The following CDKAL1 variants were observed in gnomAD, a reference collection of about 807,000 sequenced individuals.
CDKAL1 encodes the protein threonylcarbamoyladenosine tRNA methylthiotransferase.
A neutral mutation model predicts 68.2 loss-of-function variants in CDKAL1; 32 were observed. The ratio of observed to expected loss-of-function variants is 0.47; its 90% CI spans 0.35 to 0.63. The LOEUF (loss-of-function observed/expected upper bound fraction) is 0.63, where lower values mean the gene tolerates loss of function less well. Among genes scored for constraint, CDKAL1 ranks in the 30% least tolerant of loss-of-function variants. CDKAL1 has a pLI of 0.00. For missense variants in CDKAL1, 606 were observed against 696.7 expected (o/e 0.87, Z 1.47); for synonymous variants, 234 against 244.3 (o/e 0.96, Z 0.39).
At chr6:20,859,788 A>C (rs1454224696) in intron 9 of CDKAL1, among the ~76,000 whole-genome samples, 3 of 152,170 alleles carry the variant, frequency 2.0e-5, no homozygotes, top group African/African-American at 7.2e-5. Context: ...AGCCCATGAG[A>C]TCCCATGTGA....
intron 6 of CDKAL1, among the ~76,000 whole-genome samples, chr6:20,752,269 ATCTT>A (rs1773959075): frequency 6.6e-6 from 1 of 151,314 alleles, no homozygotes; most frequent in Admixed American, 6.6e-5. Context: ...GTTTTGGCAG[ATCTT>A]TCTTTTTAAG....
chr6:20,984,815 G>GC lies in CDKAL1; in HGVS notation c.910-15412_910-15411insC, dbSNP rs547124431. 6.8e-4 allele frequency among the ~76,000 whole-genome samples: 101 copies of GC among 148,482 alleles called. 1 individual carries two copies. The highest frequency in any genetic ancestry group is 2.2e-3 in the African/African-American group (88 of 39,296). On this transcript the variant is annotated intron_variant, in intron 10 of 15. Coordinates refer to ENST00000274695, the MANE Select transcript of CDKAL1 (RefSeq NM_017774.3). Reference sequence around the variant, plus strand: ...GGGTTTTTATGGGCACAGTAACGGGGGGGGGTGGGGAAGGCTATGGGTGGT... The same window carrying GC: ...GGGTTTTTATGGGCACAGTAACGGGGCGGGGGTGGGGAAGGCTATGGGTGGT...
chr6:20,725,929 C>T (rs1472304963), intron 5 of CDKAL1, among the ~76,000 whole-genome samples: 4 of 151,926 alleles, frequency 2.6e-5, no homozygotes, highest in Admixed American at 2.0e-4. Context: ...TTTATTTAAC[C>T]CTATATAATA....
chr6:20,597,615 A>G (rs1387820691), intron 4 of CDKAL1, among the ~76,000 whole-genome samples: 1 of 151,016 alleles, frequency 6.6e-6, no homozygotes, highest in Admixed American at 6.6e-5. Context: ...GGGTTTCACT[A>G]TGTTGGCCAG....
At chr6:20,850,789 T>C (rs1005686336) in intron 9 of CDKAL1, among the ~76,000 whole-genome samples, 1 of 152,152 alleles carries the variant, frequency 6.6e-6, no homozygotes, top group East Asian at 1.9e-4. Flanking sequence ...GACTAAAGGC[T>C]AACCCAAAGG....
At chr6:20,617,345 T>C (rs2127728968) in intron 4 of CDKAL1, among the ~76,000 whole-genome samples, 1 of 152,316 alleles carries the variant, frequency 6.6e-6, no homozygotes, top group East Asian at 1.9e-4. Flanking sequence ...TTGTGATCAG[T>C]GGTTAAGTAT....
At chr6:20,645,688 G>A (rs1194866238) in intron 4 of CDKAL1, among the ~76,000 whole-genome samples, 3 of 151,284 alleles carry the variant, frequency 2.0e-5, no homozygotes, top group South Asian at 2.1e-4. Context: ...CCGAGATTGC[G>A]CCACTGTACT....
At chr6:21,227,726 C>T (rs890893273) in intron 15 of CDKAL1, among the ~76,000 whole-genome samples, 3 of 152,156 alleles carry the variant, frequency 2.0e-5, no homozygotes, top group Non-Finnish European at 4.4e-5. Context: ...ATATGTTAAA[C>T]ATCTGAGGGG....
chr6:20,691,003 A>G (rs1407117588), intron 5 of CDKAL1, among the ~76,000 whole-genome samples: 1 of 152,228 alleles, frequency 6.6e-6, no homozygotes, highest in Non-Finnish European at 1.5e-5. Flanking sequence ...TATTGCATGC[A>G]ACAATACTAT....
At chr6:20,760,800 T>C (rs751953256) in intron 7 of CDKAL1, among the ~76,000 whole-genome samples, 2 of 152,170 alleles carry the variant, frequency 1.3e-5, no homozygotes, top group East Asian at 3.8e-4. Flanking sequence ...TTTAAAAAAA[T>C]TAATGATGAT....
At chr6:20,869,137 T>C (rs1279508780) in intron 9 of CDKAL1, among the ~76,000 whole-genome samples, 3 of 152,214 alleles carry the variant, frequency 2.0e-5, no homozygotes, top group Non-Finnish European at 4.4e-5. Flanking sequence ...CTCATTTTAG[T>C]TGGGAGTTGC....
intron 11 of CDKAL1, among the ~76,000 whole-genome samples, chr6:21,041,914 A>G (rs927632182): frequency 6.6e-6 from 1 of 152,168 alleles, no homozygotes; most frequent in Admixed American, 6.6e-5. Context: ...AGGTTTAGCT[A>G]TTTACAGAGA....
chr6:21,128,448 A>G (rs542501059), intron 13 of CDKAL1, among the ~76,000 whole-genome samples: 2 of 152,298 alleles, frequency 1.3e-5, no homozygotes, highest in South Asian at 4.1e-4. Context: ...GTTACATTCA[A>G]TTTTACTACC....
chr6:20,591,584 G>C lies in CDKAL1; in HGVS notation c.286+42879G>C, dbSNP rs766840645. The stretch of plus-strand genomic sequence containing the variant: ...GTTAGGGGTCCAGTTTCAGTTTTTT[G>C]CATATGGCTAACTAGTTTTCCCGAC... On this transcript the variant is annotated intron_variant, in intron 4 of 15. Transcript: ENST00000274695. Among the ~76,000 whole-genome samples, 105 of 152,076 alleles carry C rather than the reference G, an allele frequency of 6.9e-4. 1 individual carries two copies. Among genetic ancestry groups the C allele is most frequent in the East Asian group, 7.7e-4 (4 of 5,162 alleles).
At chr6:20,609,306 C>CCTTCTCCTTCTT (rs1561963126) in intron 4 of CDKAL1, among the ~76,000 whole-genome samples, 14 of 35,678 alleles carry the variant, frequency 3.9e-4, no homozygotes, top group Admixed American at 3.7e-3. Context: ...TTCTCCTCCT[C>CCTTCTCCTTCTT]CTCCTCCCCC....
intron 9 of CDKAL1, among the ~76,000 whole-genome samples, chr6:20,947,606 CAAAA>C (rs1338009389): frequency 6.6e-6 from 1 of 151,734 alleles, no homozygotes; most frequent in African/African-American, 2.4e-5. Flanking sequence ...CAAAACAAAA[CAAAA>C]AAAGAAAGAA....
chr6:20,883,029 CTGAGA>C (rs2150565014), intron 9 of CDKAL1, among the ~76,000 whole-genome samples: 1 of 152,088 alleles, frequency 6.6e-6, no homozygotes, highest in Admixed American at 6.5e-5. Flanking sequence ...TTTGTATGCT[CTGAGA>C]TAATTTTTCT....
chr6:20,646,048 A>ATTTTTTTTTTTTT (rs1171622769), intron 4 of CDKAL1, among the ~76,000 whole-genome samples: 1 of 87,364 alleles, frequency 1.1e-5, no homozygotes, highest in Non-Finnish European at 2.0e-5. Flanking sequence ...TCACGGTTAA[A>ATTTTTTTTTTTTT]TTTTTTTTTT....
chr6:20,919,735 C>T (rs1284713122), intron 9 of CDKAL1, among the ~76,000 whole-genome samples: 1 of 152,074 alleles, frequency 6.6e-6, no homozygotes, highest in Non-Finnish European at 1.5e-5. Context: ...TTTGGCTGCC[C>T]AGCACCTTTT....
Sources: gnomAD v4.1 joint callset for allele counts (sites outside exome capture counted in the v4.1 genomes callset) on GRCh38, gnomAD v4.1.1 for gene constraint, MANE v1.5 for transcripts, NCBI Gene and HGNC (gene_info 2026-07-23, HGNC 2026-07-21) for gene names.